Variants in LAIR1 observed in about 807,000 individuals in gnomAD.
The protein encoded by LAIR1 is leukocyte-associated immunoglobulin-like receptor 1.
In LAIR1, 24 loss-of-function variants were observed where a neutral mutation model predicts 32.8. That is an observed-to-expected ratio of 0.73 (90% CI 0.53 to 1.03). LAIR1 has a LOEUF of 1.03. LAIR1 is among the 50% of genes least tolerant of loss of function. LAIR1 has a pLI of 0.00. For missense variants in LAIR1, 355 were observed against 347.5 expected, an observed-to-expected ratio of 1.02 and a Z score of -0.17; for synonymous variants, 150 against 140.5, an observed-to-expected ratio of 1.07 and a Z score of -0.48.
At position 54,364,164 on chromosome 19, in the gene LAIR1, G is replaced by A. The variant is rs1417807298; in HGVS notation, c.70+131C>T. ...GGGTTGGTTATGCATTTTACATTTGGAAGAGTTTGCAATCTAGGGTATATT... is the reference window on the plus strand; with the variant it reads ...GGGTTGGTTATGCATTTTACATTTGAAAGAGTTTGCAATCTAGGGTATATT... On this transcript the variant is annotated intron_variant, in intron 2 of 9. Coordinates refer to ENST00000391742, the MANE Select transcript of LAIR1 (RefSeq NM_002287.6). The surrounding 1 kb of genome is among the most constrained non-coding windows in gnomAD (Gnocchi z 4.8). 9.1e-7 allele frequency: 1 copy of A among 1,096,344 alleles called. No homozygotes were observed. The highest frequency in any genetic ancestry group is 1.3e-6 in the Non-Finnish European group (1 of 740,758). 67.9% of individuals were successfully genotyped at this position (1,096,344 alleles called of 1,614,324 possible).
chr19:54,355,242 G>A lies in LAIR1; in HGVS notation c.*26C>T. The A allele has an allele frequency of 6.4e-7, 1 of 1,551,922 alleles. No individual in the cohort carries two copies. Among genetic ancestry groups the A allele is most frequent in the South Asian group, 1.2e-5 (1 of 83,526 alleles). On this transcript the variant is annotated 3_prime_UTR_variant, in exon 10 of 10. Transcript: ENST00000391742. The surrounding 1 kb of genome is among the most constrained non-coding windows in gnomAD (Gnocchi z 4.7). ...TTCCTAGAGTGACTTTCTACCCTCA[G>A]GTGCAGAGGCCAGGTGGGTATGGGG...
upstream of LAIR1, among the ~76,000 whole-genome samples, chr19:54,366,308 T>C (rs1409818735): frequency 6.6e-6 from 1 of 152,034 alleles, no homozygotes; most frequent in African/African-American, 2.4e-5. Flanking sequence ...GATTAAATGG[T>C]TGTGACCAAA....
At chr19:54,367,530 A>ATCAT (rs2082291267), upstream of LAIR1, among the ~76,000 whole-genome samples, 2 of 152,018 alleles carry the variant, frequency 1.3e-5, no homozygotes, top group African/African-American at 4.8e-5. Flanking sequence ...GCAGATCATG[A>ATCAT]GGTCAGGAGA....
chr19:54,371,293 A>G (rs2082400321), upstream of LAIR1, among the ~76,000 whole-genome samples: 1 of 151,322 alleles, frequency 6.6e-6, no homozygotes, highest in Admixed American at 6.6e-5. Flanking sequence ...GTATATATAT[A>G]TATGCTATCA....
chr19:54,363,815 A>G (rs889927405), intron 2 of LAIR1, among the ~76,000 whole-genome samples: 5 of 152,164 alleles, frequency 3.3e-5, no homozygotes, highest in South Asian at 2.1e-4. Flanking sequence ...TGGGAGAGAC[A>G]CTGATCAAAT....
upstream of LAIR1, chr19:54,368,532 A>G (rs902384557): frequency 6.6e-6 from 1 of 152,066 alleles, no homozygotes; most frequent in African/African-American, 2.4e-5. Flanking sequence ...TTTGCACACA[A>G]ACTGCATCCA....
chr19:54,364,933 C>G, upstream of LAIR1: 3 of 1,576,838 alleles, frequency 1.9e-6, no homozygotes, highest in Non-Finnish European at 2.6e-6. This position sits in a 1 kb window ranked among gnomAD's most constrained non-coding sequence, Gnocchi z 4.8. Context: ...ACAGCAACTG[C>G]CTCACACAAG....
intron 2 of LAIR1, among the ~76,000 whole-genome samples, chr19:54,361,929 G>C (rs1224357796): frequency 6.6e-6 from 1 of 151,882 alleles, no homozygotes; most frequent in African/African-American, 2.4e-5. Context: ...AGGAAGGGCG[G>C]GTTTGACGCC....
At chr19:54,375,528 C>T (rs1198699729), upstream of LAIR1, among the ~76,000 whole-genome samples, 2 of 152,186 alleles carry the variant, frequency 1.3e-5, no homozygotes, top group East Asian at 1.9e-4. Flanking sequence ...ACGCCCGGCC[C>T]GAACGTCATC....
rs2081634466 is a variant in LAIR1 at position 54,355,107 on chromosome 19, T to C, written c.*161A>G. The C allele has an allele frequency of 1.5e-6, 1 of 656,568 alleles. No individual in the cohort carries two copies. The highest frequency in any genetic ancestry group is 2.6e-6 in the Non-Finnish European group (1 of 384,870). 40.7% of individuals were successfully genotyped at this position (656,568 alleles called of 1,614,324 possible). ...CCTGGCTAACGAACCTTCTGGATGC[T>C]GGTTAGAAACCTCCAGTCTCCAGCT... On this transcript the variant is annotated 3_prime_UTR_variant, in exon 10 of 10. Transcript: ENST00000391742. The surrounding 1 kb of genome is among the most constrained non-coding windows in gnomAD (Gnocchi z 4.7).
intron 1 of LAIR1, chr19:54,370,172 C>T (rs577008491): frequency 3.4e-5 from 23 of 668,470 alleles, no homozygotes; most frequent in African/African-American, 1.9e-4. Flanking sequence ...CATTGGCTCA[C>T]GTTTCTGTGC....
chr19:54,362,206 A>C lies in LAIR1; in HGVS notation c.71-997T>G, dbSNP rs2363054. ...TCTGCCCTCTTAGTGATTTTCAAGC[A>C]TATGATACATTGTGATTAACTCTAG... is the stretch of plus-strand genomic sequence containing the variant. On this transcript the variant is annotated intron_variant, in intron 2 of 9. Coordinates refer to ENST00000391742, the MANE Select transcript of LAIR1 (RefSeq NM_002287.6). Among the ~76,000 whole-genome samples, 6 of 152,324 alleles carry C rather than the reference A, an allele frequency of 3.9e-5. No individual in the cohort carries two copies. In the South Asian group the frequency reaches 1.2e-3, roughly 32 times the overall value.
chr19:54,352,648 A>G lies in LAIR1; in HGVS notation c.*2620T>C, dbSNP rs2122261683. 1 of 153,644 alleles carries G rather than the reference A, an allele frequency of 6.5e-6. No individual in the cohort carries two copies. Among genetic ancestry groups the G allele is most frequent in the East Asian group, 1.9e-4 (1 of 5,180 alleles). The allele number at this position is 153,644 out of a possible 1,614,324, so 9.5% of individuals were successfully genotyped here. On this transcript the variant is annotated 3_prime_UTR_variant, in exon 10 of 10. Transcript: ENST00000391742. Reference sequence around the variant, plus strand: ...ACCTGAACTTCCTGGACTTCCTTACACTGGAGCAGACACTGGCATCTGCTC... The same window carrying G: ...ACCTGAACTTCCTGGACTTCCTTACGCTGGAGCAGACACTGGCATCTGCTC...
Position 54,355,894 on chromosome 19 carries a change from A to G in LAIR1, c.717+60T>C. 8.7e-7 allele frequency: 1 copy of G among 1,144,680 alleles called. No individual in the cohort carries two copies. Among genetic ancestry groups the G allele is most frequent in the Admixed American group, 1.7e-5 (1 of 59,340 alleles). 70.9% of individuals were successfully genotyped at this position (1,144,680 alleles called of 1,614,324 possible). ...CACTCCTGAATTCCTAACCCAAGGA[A>G]CTGAGATTTTTTTAAGCTGCTAAAT... On this transcript the variant is annotated intron_variant, in intron 9 of 9. Coordinates refer to ENST00000391742, the MANE Select transcript of LAIR1 (RefSeq NM_002287.6). The surrounding 1 kb of genome is among the most constrained non-coding windows in gnomAD (Gnocchi z 4.7).
chr19:54,358,465 T>C (rs765157233), intron 4 of LAIR1: 2 of 1,225,320 alleles, frequency 1.6e-6, no homozygotes, highest in Admixed American at 4.9e-5. Flanking sequence ...AATTCTACAT[T>C]GCAAATCATA....
intron 3 of LAIR1, 71 bp downstream of exon 3, chr19:54,360,845 G>T: frequency 1.4e-6 from 2 of 1,481,456 alleles, no homozygotes; most frequent in Non-Finnish European, 1.8e-6. Context: ...AGCTGGGACA[G>T]GGTCCAGGGA....
rs148763400 is a variant in LAIR1, at chr19:54,353,161, C to CA, written c.*2106dup. On this transcript the variant is annotated 3_prime_UTR_variant, in exon 10 of 10. Transcript: ENST00000391742. ...GGGCAACAAGAGCGAAACTCCATCT[C>CA]AAAAAAAAAAAAAAAGAGAGAGAGA... 48,208 of 134,780 alleles carry CA rather than the reference C, an allele frequency of 0.36. 8,901 individuals carry two copies. The highest frequency in any genetic ancestry group is 0.43 in the South Asian group (1,710 of 3,942). 8.3% of individuals were successfully genotyped at this position (134,780 alleles called of 1,614,324 possible).
upstream of LAIR1, among the ~76,000 whole-genome samples, chr19:54,373,742 G>T (rs1430793163): frequency 6.6e-6 from 1 of 152,182 alleles, no homozygotes; most frequent in East Asian, 1.9e-4. Context: ...TTAACACAAT[G>T]GGATTTGGCT....
rs192979196 is a variant in LAIR1 at position 54,355,821 on chromosome 19, C to T, written c.717+133G>A. On this transcript the variant is annotated intron_variant, in intron 9 of 9. Transcript: ENST00000391742. This position sits in a 1 kb window ranked among gnomAD's most constrained non-coding sequence, Gnocchi z 4.7. ...ATGCACACAGCCCTGGGCGACCTCT[C>T]GACAGCAACCTCAGGACAGGCCGTG... The T allele has an allele frequency of 1.0e-4, 71 of 686,476 alleles. No individual in the cohort carries two copies. The East Asian group carries it at 1.2e-3, about 11-fold the overall frequency. 42.5% of individuals were successfully genotyped at this position (686,476 alleles called of 1,614,324 possible).
Sources: allele counts gnomAD v4.1 joint callset (sites outside exome capture counted in the v4.1 genomes callset), GRCh38; gene constraint gnomAD v4.1.1; non-coding constraint Gnocchi (gnomAD v3.1); transcripts MANE v1.5; gene names NCBI Gene and HGNC (gene_info 2026-07-23, HGNC 2026-07-21).